Variants in CHMP3 observed in about 807,000 individuals in gnomAD.
CHMP3 encodes 25.1 protein.
Under a neutral mutation model 27.4 loss-of-function variants are expected in CHMP3, and 8 were observed. The ratio of observed to expected loss-of-function variants is 0.29; its 90% CI spans 0.17 to 0.53. The LOEUF (loss-of-function observed/expected upper bound fraction) is 0.53, where lower values mean the gene tolerates loss of function less well. Ranked by LOEUF, CHMP3 falls within the 20% of genes least tolerant of loss-of-function variation. The probability of loss-of-function intolerance (pLI) is 0.96; values close to 1 mark genes in which losing one functional copy is unlikely to be tolerated. For missense variants in CHMP3, 208 were observed against 271.5 expected, an observed-to-expected ratio of 0.77 and a Z score of 1.64; for synonymous variants, 86 against 85.5, an observed-to-expected ratio of 1.01 and a Z score of -0.03.
chr2:86,529,529 A>C (rs944293900), intron 2 of CHMP3, 132 bp from the exon 3 acceptor site: 2 of 854,324 alleles, frequency 2.3e-6, no homozygotes, highest in Non-Finnish European at 3.2e-6. Flanking sequence ...AAATCAAAAT[A>C]ACGTAGTGAA....
At chr2:86,557,695 G>A (rs1677179012) in intron 1 of CHMP3, among the ~76,000 whole-genome samples, 2 of 152,010 alleles carry the variant, frequency 1.3e-5, no homozygotes, top group African/African-American at 2.4e-5. Context: ...CCCCTTTCCT[G>A]ATCCTATATC....
intron 2 of CHMP3, among the ~76,000 whole-genome samples, chr2:86,537,761 T>C (rs1359736182): frequency 6.6e-6 from 1 of 152,170 alleles, no homozygotes; most frequent in Admixed American, 6.5e-5. Flanking sequence ...GCACGCACAG[T>C]GACTTCTACA....
chr2:86,558,508 G>A (rs1677216082), intron 1 of CHMP3, among the ~76,000 whole-genome samples: 1 of 152,070 alleles, frequency 6.6e-6, no homozygotes, highest in Non-Finnish European at 1.5e-5. Context: ...AGCACCCACT[G>A]CACGCTGCAT....
rs1674833512 is a variant in CHMP3, at chr2:86,504,927, A to T, written c.*877T>A. On this transcript the variant is annotated 3_prime_UTR_variant, in exon 6 of 6. Coordinates refer to ENST00000263856, the MANE Select transcript of CHMP3 (RefSeq NM_016079.4). ...AGTACTACTGCTGAAATGATTTATAAATGTATCTTAAGAATGTCCCAGATG... is the reference window on the plus strand; with the variant it reads ...AGTACTACTGCTGAAATGATTTATATATGTATCTTAAGAATGTCCCAGATG... 1 of 152,098 alleles carries T rather than the reference A, an allele frequency of 6.6e-6. No individual in the cohort carries two copies. The allele number at this position is 152,098 out of a possible 1,614,324, so 9.4% of individuals were successfully genotyped here.
At chr2:86,519,532 T>C (rs1675444724) in intron 3 of CHMP3, among the ~76,000 whole-genome samples, 1 of 152,290 alleles carries the variant, frequency 6.6e-6, no homozygotes, top group South Asian at 2.1e-4. Context: ...TCTCACTTAA[T>C]GCCAATGATG....
At chr2:86,532,947 G>A (rs1305546469) in intron 2 of CHMP3, among the ~76,000 whole-genome samples, 1 of 152,212 alleles carries the variant, frequency 6.6e-6, no homozygotes, top group Non-Finnish European at 1.5e-5. Flanking sequence ...AACATAGAAT[G>A]AATAAGGAAG....
chr2:86,508,912 TAAA>T (rs779541494), intron 4 of CHMP3, among the ~76,000 whole-genome samples: 2 of 152,200 alleles, frequency 1.3e-5, no homozygotes, highest in Non-Finnish European at 2.9e-5. Context: ...GCTAATTGGT[TAAA>T]AAGAGTCCAC....
intron 3 of CHMP3, among the ~76,000 whole-genome samples, chr2:86,520,677 C>T (rs1326083126): frequency 6.6e-6 from 1 of 152,194 alleles, no homozygotes; most frequent in Non-Finnish European, 1.5e-5. Flanking sequence ...AAACGTTATG[C>T]TTGACCCCAA....
chr2:86,560,158 A>G (rs1216789774), intron 1 of CHMP3, among the ~76,000 whole-genome samples: 1 of 152,144 alleles, frequency 6.6e-6, no homozygotes, highest in Non-Finnish European at 1.5e-5. Context: ...CCAGCTACTC[A>G]GGAGACTGAG....
At position 86,517,561 on chromosome 2, in the gene CHMP3, G is replaced by A. The variant is rs1454883188; in HGVS notation, c.287-7082C>T. ...AGCCTGGGAGACAGAGCGAGACTCC[G>A]TCTCAAAAAAAAAAAAAAAAAAAAA... On this transcript the variant is annotated intron_variant, in intron 3 of 5. Coordinates refer to ENST00000263856, the MANE Select transcript of CHMP3 (RefSeq NM_016079.4). 1.3e-4 allele frequency among the ~76,000 whole-genome samples: 12 copies of A among 89,864 alleles called. No individual in the cohort carries two copies. In the South Asian group the frequency reaches 4.8e-3, roughly 36 times the overall value. 59.0% of individuals were successfully genotyped at this position (89,864 alleles called of 152,430 possible).
Position 86,505,732 on chromosome 2 carries a change from T to C in CHMP3, c.*72A>G. On this transcript the variant is annotated 3_prime_UTR_variant, in exon 6 of 6. Coordinates refer to ENST00000263856, the MANE Select transcript of CHMP3 (RefSeq NM_016079.4). ...AAAATGGTAGTCCTCACAACAGAGG[T>C]GTAGTGCAAGAGACACATAAAATGG... The C allele has an allele frequency of 7.2e-7, 1 of 1,390,780 alleles. No homozygotes were observed. The highest frequency in any genetic ancestry group is 1.8e-5 in the South Asian group (1 of 56,978). 86.2% of individuals were successfully genotyped at this position (1,390,780 alleles called of 1,614,324 possible). A position where few individuals can be genotyped will look rare whatever the true frequency, so the allele number is the denominator to read the frequency against.
intron 1 of CHMP3, among the ~76,000 whole-genome samples, chr2:86,544,552 G>C (rs549886924): frequency 4.6e-5 from 7 of 152,026 alleles, no homozygotes; most frequent in Non-Finnish European, 5.9e-5. Flanking sequence ...GACTCTTAAC[G>C]AGCATGCTGC....
At chr2:86,530,537 A>G (rs4832296) in intron 2 of CHMP3, among the ~76,000 whole-genome samples, 92,192 of 152,038 alleles carry the variant, frequency 0.61, 28,234 homozygotes, top group East Asian at 0.75. Flanking sequence ...TTCTTTTTAA[A>G]GCTCAATAAT....
chr2:86,563,265 C>T, intron 1 of CHMP3, 39 bp downstream of exon 1: 2 of 1,612,426 alleles, frequency 1.2e-6, no homozygotes, highest in Non-Finnish European at 1.7e-6. Context: ...ACGCCCCACA[C>T]AGATCCACCC....
chr2:86,544,375 T>C (rs1341331121), intron 1 of CHMP3, among the ~76,000 whole-genome samples: 4 of 151,844 alleles, frequency 2.6e-5, no homozygotes, highest in African/African-American at 9.7e-5. Flanking sequence ...TTGATCATTC[T>C]TGGGTGTTTC....
intron 4 of CHMP3, among the ~76,000 whole-genome samples, 180 bp from the exon 5 acceptor site, chr2:86,507,773 C>G (rs1674941956): frequency 6.6e-6 from 1 of 152,132 alleles, no homozygotes; most frequent in African/African-American, 2.4e-5. Context: ...TGCAAAAGCC[C>G]CAAAGGGAAA....
chr2:86,541,726 C>T (rs1266121416), intron 2 of CHMP3, among the ~76,000 whole-genome samples: 1 of 152,138 alleles, frequency 6.6e-6, no homozygotes, highest in Non-Finnish European at 1.5e-5. Flanking sequence ...ATTACTCCTT[C>T]ATGGCTGGGA....
intron 3 of CHMP3, chr2:86,527,313 T>C (rs1675753121): frequency 6.6e-6 from 1 of 152,126 alleles, no homozygotes; most frequent in African/African-American, 2.4e-5. Context: ...TACATTATCC[T>C]CTGCTTTCAT....
intron 1 of CHMP3, among the ~76,000 whole-genome samples, chr2:86,545,694 G>C (rs1206800419): frequency 6.7e-6 from 1 of 149,672 alleles, no homozygotes; most frequent in Admixed American, 6.6e-5. Flanking sequence ...TTCCCAGATA[G>C]GGCGGCCAGG....
Sources: allele counts gnomAD v4.1 joint callset (sites outside exome capture counted in the v4.1 genomes callset), GRCh38; gene constraint gnomAD v4.1.1; transcripts MANE v1.5; gene names NCBI Gene and HGNC (gene_info 2026-07-23, HGNC 2026-07-21).